RANBP17: variants seen among roughly 807,000 people sequenced by gnomAD.
RANBP17 encodes the protein RAN binding protein 17, also known as ran-binding protein 17.
A neutral mutation model predicts 141.2 loss-of-function variants in RANBP17; 158 were observed. The observed-to-expected ratio is 1.12, with a 90% CI of 0.98 to 1.28. RANBP17 has a LOEUF of 1.28. Among genes scored for constraint, RANBP17 ranks in the 50% most tolerant of loss-of-function variants. RANBP17 has a pLI of 0.00. For missense variants in RANBP17, 1,438 were observed against 1,290.7 expected, an observed-to-expected ratio of 1.11 and a Z score of -1.75; for synonymous variants, 430 against 450.0, an observed-to-expected ratio of 0.96 and a Z score of 0.56.
At chr5:171,268,124 A>C (rs990861537) in intron 25 of RANBP17, among the ~76,000 whole-genome samples, 3 of 152,344 alleles carry the variant, frequency 2.0e-5, no homozygotes, top group African/African-American at 7.2e-5. Flanking sequence ...ATTATGTGTC[A>C]GGTGCAAGAG....
chr5:171,123,132 C>T (rs1368580298), intron 14 of RANBP17, among the ~76,000 whole-genome samples: 4 of 152,228 alleles, frequency 2.6e-5, no homozygotes, highest in Non-Finnish European at 5.9e-5. Flanking sequence ...GACCCTTCCA[C>T]TGGTAGGGTT....
At chr5:171,009,886 C>T (rs1370062910) in intron 14 of RANBP17, among the ~76,000 whole-genome samples, 4 of 152,046 alleles carry the variant, frequency 2.6e-5, no homozygotes, top group African/African-American at 7.2e-5. Flanking sequence ...GTAAGATGCA[C>T]CTTTATGGAA....
intron 14 of RANBP17, among the ~76,000 whole-genome samples, chr5:171,102,696 G>C (rs959064556): frequency 6.6e-6 from 1 of 152,076 alleles, no homozygotes; most frequent in South Asian, 2.1e-4. Context: ...GGCATTTTCA[G>C]CCTTTTTGTG....
chr5:171,190,987 G>C (rs188927736), intron 18 of RANBP17, among the ~76,000 whole-genome samples: 266 of 152,204 alleles, frequency 1.7e-3, no homozygotes, highest in Admixed American at 2.8e-3. Flanking sequence ...TGCATTCCTC[G>C]GGTATTTAAA....
At chr5:171,112,203 G>T (rs1755284249) in intron 14 of RANBP17, among the ~76,000 whole-genome samples, 1 of 152,060 alleles carries the variant, frequency 6.6e-6, no homozygotes, top group Admixed American at 6.6e-5. Context: ...GGTGAGCAGG[G>T]ATAACAGTTG....
intron 18 of RANBP17, among the ~76,000 whole-genome samples, chr5:171,197,955 C>T (rs780741818): frequency 1.3e-5 from 2 of 152,164 alleles, no homozygotes; most frequent in Non-Finnish European, 2.9e-5. Context: ...AGGAGAATGG[C>T]GTGAACCTGA....
chr5:171,034,821 T>C (rs1465121152), intron 14 of RANBP17, among the ~76,000 whole-genome samples: 1 of 152,176 alleles, frequency 6.6e-6, no homozygotes, highest in Admixed American at 6.6e-5. Context: ...GTTTTTTTCT[T>C]TCTTTGTTTT....
chr5:171,101,115 T>C (rs1298049233), intron 14 of RANBP17, among the ~76,000 whole-genome samples: 2 of 152,214 alleles, frequency 1.3e-5, no homozygotes, highest in Non-Finnish European at 2.9e-5. Flanking sequence ...ATCTATTAGG[T>C]CTGCATGGTC....
At chr5:171,108,970 T>C (rs527250153) in intron 14 of RANBP17, among the ~76,000 whole-genome samples, 121 of 152,268 alleles carry the variant, frequency 7.9e-4, no homozygotes, top group African/African-American at 2.8e-3. Context: ...GAGGAGCCCC[T>C]ATCCCAAACC....
chr5:171,231,084 G>A (rs1366399561), intron 22 of RANBP17, among the ~76,000 whole-genome samples: 2 of 147,630 alleles, frequency 1.4e-5, no homozygotes, highest in Admixed American at 6.8e-5. Flanking sequence ...CTACAGGCAC[G>A]TACCACCATG....
At chr5:171,295,360 C>T (rs1347335961) in intron 26 of RANBP17, among the ~76,000 whole-genome samples, 1 of 152,102 alleles carries the variant, frequency 6.6e-6, no homozygotes, top group Non-Finnish European at 1.5e-5. Context: ...TAGTACCCCA[C>T]CTCAGAGGAG....
intron 14 of RANBP17, among the ~76,000 whole-genome samples, chr5:171,073,190 G>A (rs1784727621): frequency 6.6e-6 from 1 of 151,916 alleles, no homozygotes; most frequent in African/African-American, 2.4e-5. Context: ...AAATGTCAGG[G>A]GATCCCAGGA....
At chr5:170,960,114 G>A (rs560299334) in intron 13 of RANBP17, among the ~76,000 whole-genome samples, 3 of 152,254 alleles carry the variant, frequency 2.0e-5, no homozygotes, top group South Asian at 2.1e-4. Flanking sequence ...ACTAGAGTAA[G>A]GGAAGGAGTA....
In RANBP17 at chr5:170,892,453, TTCAAG is replaced by T; in HGVS notation, c.327_331del (p.Gln109HisfsTer3). 6.2e-7 allele frequency: 1 copy of T among 1,614,080 alleles called. No homozygotes were observed. The highest frequency in any genetic ancestry group is 8.5e-7 in the Non-Finnish European group (1 of 1,179,976). ...GCTCCCTTTGTCATCCAAGCTCTTA[TTCAAG>T]TCATTGCTAAAATCACTAAGTTGGG... On this transcript the variant is annotated frameshift_variant, in exon 4 of 28. Transcript: ENST00000523189. LOFTEE classifies it high-confidence loss of function.
intron 14 of RANBP17, among the ~76,000 whole-genome samples, chr5:171,146,991 G>T (rs1758065023): frequency 6.6e-6 from 1 of 152,196 alleles, no homozygotes; most frequent in Non-Finnish European, 1.5e-5. Flanking sequence ...TATGGTATAT[G>T]TGAGCGTTAA....
At chr5:171,063,826 C>T (rs1784096790) in intron 14 of RANBP17, among the ~76,000 whole-genome samples, 1 of 152,168 alleles carries the variant, frequency 6.6e-6, no homozygotes. Context: ...CCAGTTCGAG[C>T]TTCCCGGCTG....
chr5:170,946,962 T>C (rs954380264), intron 12 of RANBP17, among the ~76,000 whole-genome samples: 1 of 152,120 alleles, frequency 6.6e-6, no homozygotes, highest in African/African-American at 2.4e-5. Flanking sequence ...GCTTGAAACA[T>C]GTGTACTGGA....
chr5:171,262,083 T>A (rs1035884), intron 24 of RANBP17, among the ~76,000 whole-genome samples: 18,626 of 152,184 alleles, frequency 0.12, 1,455 homozygotes, highest in East Asian at 0.21. Flanking sequence ...GCTGACTCAG[T>A]AGATGGGAAC....
rs1250767118 is a variant in RANBP17 at position 171,299,847 on chromosome 5, C to T, written c.*989C>T. 23 of 219,604 alleles carry T rather than the reference C, an allele frequency of 1.0e-4. No homozygotes were observed. In the East Asian group the frequency reaches 1.5e-3, roughly 15 times the overall value. The allele number at this position is 219,604 out of a possible 1,614,324, so 13.6% of individuals were successfully genotyped here. A position where few individuals can be genotyped will look rare whatever the true frequency, so the allele number is the denominator to read the frequency against. ...CTTTACAGTTTGTGCTCTACTGTTA[C>T]TAGGCTATTAATTTGAGATCGTCCA... On this transcript the variant is annotated 3_prime_UTR_variant, in exon 28 of 28. Coordinates refer to ENST00000523189, the MANE Select transcript of RANBP17 (RefSeq NM_022897.5).
Sources: gnomAD v4.1 joint callset for allele counts (sites outside exome capture counted in the v4.1 genomes callset) on GRCh38, gnomAD v4.1.1 for gene constraint, MANE v1.5 for transcripts, NCBI Gene and HGNC (gene_info 2026-07-23, HGNC 2026-07-21) for gene names.